CALN1: variants seen among roughly 807,000 people sequenced by gnomAD.
The protein encoded by CALN1 is calneuron 1, also known as calcium-binding protein 8.
Under a neutral mutation model 30.6 loss-of-function variants are expected in CALN1, and 17 were observed. That is an observed-to-expected ratio of 0.56 (90% CI 0.38 to 0.83). The LOEUF (loss-of-function observed/expected upper bound fraction) is 0.83, where lower values mean the gene tolerates loss of function less well. Ranked by LOEUF, CALN1 falls within the 40% of genes least tolerant of loss-of-function variation. CALN1 has a pLI of 0.00. For synonymous variants in CALN1, 156 were observed against 131.4 expected (o/e 1.19, Z -1.28); for missense variants, 291 against 354.9 (o/e 0.82, Z 1.45).
At chr7:72,090,246 G>A (rs949392865) in intron 4 of CALN1, among the ~76,000 whole-genome samples, 3 of 152,158 alleles carry the variant, frequency 2.0e-5, no homozygotes, top group African/African-American at 7.2e-5. Context: ...AGATTGCAGT[G>A]AGCTGAGATC....
intron 1 of CALN1, among the ~76,000 whole-genome samples, chr7:72,419,443 G>T (rs993485194): frequency 6.6e-6 from 1 of 152,120 alleles, no homozygotes; most frequent in Non-Finnish European, 1.5e-5. Flanking sequence ...TTCATGTCTG[G>T]ATTGGCTCAG....
At chr7:72,073,335 T>C (rs1804526628) in intron 4 of CALN1, among the ~76,000 whole-genome samples, 1 of 152,242 alleles carries the variant, frequency 6.6e-6, no homozygotes, top group Admixed American at 6.5e-5. Flanking sequence ...GTGATGCTTA[T>C]TAAACAATAT....
chr7:72,499,826 C>CTTTCT, the CALN1 span, among the ~76,000 whole-genome samples: 4 of 53,298 alleles, frequency 7.5e-5, no homozygotes, highest in African/African-American at 1.0e-4. Context: ...TCCTTCCTTC[C>CTTTCT]TTCTTTCTTT....
intron 5 of CALN1, among the ~76,000 whole-genome samples, chr7:71,887,269 G>A (rs1257983529): frequency 6.6e-6 from 1 of 152,078 alleles, no homozygotes; most frequent in Admixed American, 6.6e-5. Context: ...CACACACCAC[G>A]GATGGTTTTA....
intron 2 of CALN1, among the ~76,000 whole-genome samples, chr7:72,345,541 G>C (rs1219219763): frequency 7.3e-6 from 1 of 136,684 alleles, no homozygotes; most frequent in Non-Finnish European, 1.6e-5. Flanking sequence ...GGGAGGGAAG[G>C]AGGAAGGAAA....
At chr7:72,401,258 G>A (rs968484219) in intron 2 of CALN1, among the ~76,000 whole-genome samples, 2 of 152,088 alleles carry the variant, frequency 1.3e-5, no homozygotes, top group Non-Finnish European at 2.9e-5. Context: ...TAACATTACT[G>A]CTGAACCTAA....
chr7:72,220,648 C>A (rs138529309), intron 3 of CALN1, among the ~76,000 whole-genome samples: 19,817 of 152,072 alleles, frequency 0.13, 1,658 homozygotes, highest in East Asian at 0.42. Flanking sequence ...AACCAGTTTA[C>A]AGTCCCACCA....
At chr7:72,343,948 G>A (rs954749296) in intron 2 of CALN1, among the ~76,000 whole-genome samples, 2 of 152,104 alleles carry the variant, frequency 1.3e-5, no homozygotes, top group African/African-American at 4.8e-5. Flanking sequence ...TGCCCAAAAG[G>A]GCTTCTACAT....
At chr7:72,013,368 C>T (rs921939502) in intron 5 of CALN1, among the ~76,000 whole-genome samples, 3 of 150,222 alleles carry the variant, frequency 2.0e-5, no homozygotes, top group Non-Finnish European at 4.4e-5. Context: ...CCTCCTGCCT[C>T]AACCTCCCCA....
At chr7:72,011,413 G>C (rs1800075761) in intron 5 of CALN1, among the ~76,000 whole-genome samples, 2 of 152,116 alleles carry the variant, frequency 1.3e-5, no homozygotes, top group South Asian at 4.1e-4. Context: ...ACTCTGCGCT[G>C]TGGGTCAAGA....
intron 5 of CALN1, among the ~76,000 whole-genome samples, chr7:71,941,320 C>T (rs1447120567): frequency 6.7e-6 from 1 of 149,108 alleles, no homozygotes; most frequent in Non-Finnish European, 1.5e-5. Flanking sequence ...CACTCCACTC[C>T]AGCCTGGGCG....
At chr7:72,237,944 G>A (rs1794579971) in intron 3 of CALN1, among the ~76,000 whole-genome samples, 1 of 152,194 alleles carries the variant, frequency 6.6e-6, no homozygotes, top group Admixed American at 6.5e-5. Context: ...ATGCATAAAG[G>A]ACAAGGGTTT....
chr7:71,935,237 A>G (rs923170309), intron 5 of CALN1, among the ~76,000 whole-genome samples: 1 of 152,188 alleles, frequency 6.6e-6, no homozygotes, highest in Admixed American at 6.6e-5. Flanking sequence ...GGCTGCTAAC[A>G]TTGGTGTGAA....
At chr7:72,463,750 G>T in the CALN1 span, among the ~76,000 whole-genome samples, 1 of 150,814 alleles carries the variant, frequency 6.6e-6, no homozygotes, top group Non-Finnish European at 1.5e-5. Context: ...TTGTATAGAT[G>T]GGGTCTTGCT....
intron 5 of CALN1, among the ~76,000 whole-genome samples, chr7:71,913,473 G>A (rs188750811): frequency 5.3e-5 from 8 of 152,318 alleles, no homozygotes; most frequent in African/African-American, 1.9e-4. Flanking sequence ...TTCAGGGCCA[G>A]GCTTCTCTCT....
At chr7:72,179,944 C>T (rs902860890) in intron 3 of CALN1, among the ~76,000 whole-genome samples, 1 of 152,162 alleles carries the variant, frequency 6.6e-6, no homozygotes, top group Non-Finnish European at 1.5e-5. Context: ...ATCTGATAGT[C>T]ATCCATGATC....
At chr7:72,355,294 A>C (rs999670939) in intron 2 of CALN1, among the ~76,000 whole-genome samples, 1 of 152,048 alleles carries the variant, frequency 6.6e-6, no homozygotes, top group Non-Finnish European at 1.5e-5. Context: ...GGGAGGCCAA[A>C]GCGGGCGGAC....
intron 1 of CALN1, 97 bp from the exon 2 acceptor site, chr7:72,403,539 G>C: frequency 1.9e-6 from 1 of 532,006 alleles, no homozygotes; most frequent in South Asian, 3.2e-5. Context: ...TCCCTTCCGT[G>C]TTTACACAGG....
chr7:71,921,310 G>A (rs1005504575), intron 5 of CALN1, among the ~76,000 whole-genome samples: 1 of 152,142 alleles, frequency 6.6e-6, no homozygotes, highest in African/African-American at 2.4e-5. Context: ...GTATACCTAT[G>A]TAACAAACCT....
Sources: allele counts gnomAD v4.1 joint callset (sites outside exome capture counted in the v4.1 genomes callset), GRCh38; gene constraint gnomAD v4.1.1; transcripts MANE v1.5; gene names NCBI Gene and HGNC (gene_info 2026-07-23, HGNC 2026-07-21).